The following CCDC88A variants were observed in gnomAD, a reference collection of about 807,000 sequenced individuals.
CCDC88A encodes the protein coiled-coil and HOOK domain protein 88A.
In CCDC88A, 54 loss-of-function variants were observed where a neutral mutation model predicts 234.3. The observed-to-expected ratio is 0.23, with a 90% CI of 0.19 to 0.29. CCDC88A has a LOEUF of 0.29. Among genes scored for constraint, CCDC88A ranks in the 10% least tolerant of loss-of-function variants. CCDC88A has a pLI of 1.00. For missense variants in CCDC88A, 1,832 were observed against 2,123.4 expected (o/e 0.86, Z 2.70); for synonymous variants, 753 against 737.8 (o/e 1.02, Z -0.33).
At position 55,296,055 on chromosome 2, in the gene CCDC88A, A is replaced by T. The variant is rs779977561; in HGVS notation, c.5093T>A (p.Ile1698Lys). The T allele has an allele frequency of 1.9e-6, 3 of 1,579,180 alleles. No homozygotes were observed. Among genetic ancestry groups the T allele is most frequent in the Non-Finnish European group, 2.6e-6 (3 of 1,168,320 alleles). The change falls in exon 31 of 33, where the codon ATA becomes AAA. Residue 1698 changes from isoleucine (I) to lysine (K), a missense_variant and splice_region_variant. By Grantham distance (102) the Ile-to-Lys change is moderately radical. Coordinates refer to ENST00000436346, the MANE Select transcript of CCDC88A (RefSeq NM_001365480.1). ...EESNKLTSVQ[I>K]KSSSQENLLD... ...AAGATTCTCTTGACTTGAGGACTTT[A>T]TCTGTTTAAAAAAAAATTCAAAGCA...
rs533342898 is a variant in CCDC88A, at chr2:55,287,869, A to C, written c.*3331T>G. On this transcript the variant is annotated 3_prime_UTR_variant, in exon 33 of 33. Transcript: ENST00000436346. ...GTTACAAAAATCACCTCTTGGTTTT[A>C]TTTCTTTTTATATTAGTTTGATACG... 1 of 152,366 alleles carries C rather than the reference A, an allele frequency of 6.6e-6. No individual in the cohort carries two copies. Among genetic ancestry groups the C allele is most frequent in the Non-Finnish European group, 1.5e-5 (1 of 68,012 alleles). The allele number at this position is 152,366 out of a possible 1,614,324, so 9.4% of individuals were successfully genotyped here.
At chr2:55,381,890 A>C (rs1206411229) in intron 3 of CCDC88A, among the ~76,000 whole-genome samples, 2 of 152,226 alleles carry the variant, frequency 1.3e-5, no homozygotes, top group African/African-American at 4.8e-5. Context: ...ATTCTAAAAT[A>C]CACAGAAATG....
At chr2:55,386,766 C>T (rs1261105012) in intron 3 of CCDC88A, among the ~76,000 whole-genome samples, 2 of 151,936 alleles carry the variant, frequency 1.3e-5, no homozygotes, top group East Asian at 3.9e-4. Context: ...GCCACTGTAC[C>T]CAGCCTTCTG....
intron 2 of CCDC88A, 38 bp from the exon 3 acceptor site, chr2:55,388,924 ATAC>A (rs755440607): frequency 1.4e-6 from 1 of 693,906 alleles, no homozygotes; most frequent in Non-Finnish European, 2.4e-6. Flanking sequence ...ATTACATAAA[ATAC>A]TACTATCAAT....
At position 55,382,647 on chromosome 2, in the gene CCDC88A, T is replaced by C. The variant is rs12621263; in HGVS notation, c.273+6131A>G. On this transcript the variant is annotated intron_variant, in intron 3 of 32. Transcript: ENST00000436346. ...CCTAGGTAATTTTACATAACAGCTA[T>C]AATTTACTTTATTTTCTGACTTGAA... is the stretch of plus-strand genomic sequence containing the variant. 7.4e-3 allele frequency among the ~76,000 whole-genome samples: 1,126 copies of C among 152,318 alleles called. 20 individuals are homozygous for C. The highest frequency in any genetic ancestry group is 0.066 in the East Asian group (344 of 5,192).
intron 12 of CCDC88A, among the ~76,000 whole-genome samples, chr2:55,340,670 C>T (rs930459285): frequency 5.3e-5 from 8 of 152,138 alleles, no homozygotes; most frequent in African/African-American, 1.4e-4. Context: ...TACACTACTA[C>T]TTATTTTGGC....
chr2:55,376,880 G>A (rs1673725743), intron 3 of CCDC88A, among the ~76,000 whole-genome samples: 1 of 152,142 alleles, frequency 6.6e-6, no homozygotes, highest in African/African-American at 2.4e-5. Context: ...CACCCAGGCT[G>A]GAGTGCAGTG....
At chr2:55,329,321 T>C (rs191869527) in intron 16 of CCDC88A, 2 of 152,340 alleles carry the variant, frequency 1.3e-5, no homozygotes, top group African/African-American at 4.8e-5. Context: ...CTGAAGACCC[T>C]GAAGACAACA....
intron 5 of CCDC88A, among the ~76,000 whole-genome samples, chr2:55,368,878 T>C (rs1672397547): frequency 3.3e-5 from 5 of 152,208 alleles, no homozygotes; most frequent in Admixed American, 3.3e-4. Flanking sequence ...TGTTGGCTGA[T>C]TGGTTTCCTC....
intron 5 of CCDC88A, among the ~76,000 whole-genome samples, chr2:55,366,838 A>C (rs991434440): frequency 1.3e-5 from 2 of 152,210 alleles, no homozygotes; most frequent in Non-Finnish European, 2.9e-5. Context: ...CAAGAAAATA[A>C]TAAGACAAGG....
intron 25 of CCDC88A, chr2:55,308,441 A>G (rs1681916396): frequency 1.1e-5 from 2 of 176,172 alleles, no homozygotes; most frequent in Admixed American, 5.7e-5. Flanking sequence ...TAAGTTATAT[A>G]TAATTATGAA....
At chr2:55,319,612 T>C (rs3791634) in intron 18 of CCDC88A, among the ~76,000 whole-genome samples, 88,867 of 151,892 alleles carry the variant, frequency 0.59, 26,692 homozygotes, top group Admixed American at 0.66. Context: ...CTAATTAAAA[T>C]TCTATTTCAA....
chr2:55,338,605 A>G (rs1458803262), intron 13 of CCDC88A, among the ~76,000 whole-genome samples: 1 of 152,216 alleles, frequency 6.6e-6, no homozygotes, highest in Non-Finnish European at 1.5e-5. Context: ...TCCCACTAAA[A>G]GGAATAAGGG....
chr2:55,358,143 A>G (rs1321020662), intron 7 of CCDC88A, among the ~76,000 whole-genome samples: 1 of 152,196 alleles, frequency 6.6e-6, no homozygotes, highest in East Asian at 1.9e-4. Context: ...CTCTTTGAAG[A>G]AAAAGAAAAA....
intron 25 of CCDC88A, among the ~76,000 whole-genome samples, chr2:55,305,636 C>T (rs1176509595): frequency 6.6e-6 from 1 of 152,118 alleles, no homozygotes; most frequent in African/African-American, 2.4e-5. Context: ...AGCTTGGGGC[C>T]AGGAGTTTGA....
chr2:55,308,066 G>C (rs1386132329), intron 25 of CCDC88A: 2 of 149,622 alleles, frequency 1.3e-5, no homozygotes, highest in Non-Finnish European at 2.9e-5. Context: ...CTCCCGAGTA[G>C]CTGGGATTAC....
At chr2:55,418,170 T>C (rs143662755) in intron 2 of CCDC88A, 1 of 152,394 alleles carries the variant, frequency 6.6e-6, no homozygotes, top group Non-Finnish European at 1.5e-5. Flanking sequence ...TAAGTCGTTA[T>C]CTAATTGTTA....
intron 22 of CCDC88A, chr2:55,314,383 A>G (rs1348033026): frequency 1.3e-5 from 2 of 152,234 alleles, no homozygotes; most frequent in Non-Finnish European, 2.9e-5. Context: ...CTGATAAAGC[A>G]TATATAAAGA....
intron 9 of CCDC88A, chr2:55,348,999 T>C (rs924059591): frequency 1.3e-5 from 2 of 152,486 alleles, no homozygotes; most frequent in Admixed American, 6.5e-5. Context: ...AATGAAACAT[T>C]AGAGTGATTG....
Sources: allele counts gnomAD v4.1 joint callset (sites outside exome capture counted in the v4.1 genomes callset), GRCh38; gene constraint gnomAD v4.1.1; transcripts MANE v1.5; gene names NCBI Gene and HGNC (gene_info 2026-07-23, HGNC 2026-07-21).